CSMD1: variants seen among roughly 807,000 people sequenced by gnomAD.
CSMD1 encodes the protein CUB and sushi domain-containing protein 1.
CSMD1 carries 213 observed loss-of-function variants against 417.5 expected under a neutral mutation model. That is an observed-to-expected ratio of 0.51 (90% CI 0.46 to 0.57). The LOEUF is 0.57. Among genes scored for constraint, CSMD1 ranks in the 20% least tolerant of loss-of-function variants. CSMD1 has a pLI of 0.00. For synonymous variants in CSMD1, 2,862 were observed against 1,736.8 expected, an observed-to-expected ratio of 1.65 and a Z score of -16.11; for missense variants, 6,923 against 4,529.7, an observed-to-expected ratio of 1.53 and a Z score of -15.17.
At chr8:4,673,855 C>T (rs892955981) in intron 1 of CSMD1, among the ~76,000 whole-genome samples, 6 of 151,804 alleles carry the variant, frequency 4.0e-5, no homozygotes, top group Non-Finnish European at 7.4e-5. Flanking sequence ...AGGGACTGCC[C>T]GTGATGGAAG....
chr8:4,864,936 C>T (rs923514000), intron 1 of CSMD1, among the ~76,000 whole-genome samples: 1 of 141,282 alleles, frequency 7.1e-6, no homozygotes, highest in East Asian at 2.1e-4. Context: ...TTCTACAACA[C>T]TGGTATTCTG....
chr8:3,452,424 G>T (rs1225088257), intron 12 of CSMD1, among the ~76,000 whole-genome samples: 1 of 152,128 alleles, frequency 6.6e-6, no homozygotes, highest in African/African-American at 2.4e-5. Context: ...TCCAGTTTTT[G>T]CCCCTTCAGT....
chr8:3,926,001 G>A (rs1173479780), intron 5 of CSMD1, among the ~76,000 whole-genome samples: 1 of 130,564 alleles, frequency 7.7e-6, no homozygotes, highest in South Asian at 2.5e-4. Flanking sequence ...GAAACTAATT[G>A]TCTATTTGTC....
intron 1 of CSMD1, among the ~76,000 whole-genome samples, chr8:4,744,407 G>T (rs1439545315): frequency 6.6e-6 from 1 of 152,098 alleles, no homozygotes; most frequent in Non-Finnish European, 1.5e-5. Context: ...TTCGGTTCTA[G>T]CCTGCGCAGG....
intron 1 of CSMD1, among the ~76,000 whole-genome samples, chr8:4,689,558 T>C (rs1806628064): frequency 6.6e-6 from 1 of 152,220 alleles, no homozygotes; most frequent in South Asian, 2.1e-4. Context: ...AATATTCAAG[T>C]TACAATACAT....
intron 3 of CSMD1, among the ~76,000 whole-genome samples, chr8:4,217,313 C>T (rs1800743642): frequency 6.6e-6 from 1 of 152,132 alleles, no homozygotes; most frequent in Admixed American, 6.5e-5. Context: ...ACTGTGAATC[C>T]CCTGTGTGCC....
At chr8:3,441,464 C>T (rs773785916) in intron 12 of CSMD1, among the ~76,000 whole-genome samples, 3 of 149,658 alleles carry the variant, frequency 2.0e-5, no homozygotes, top group Admixed American at 1.4e-4. Flanking sequence ...ACAAGGAAAA[C>T]ACTTCATTTG....
chr8:3,289,215 C>G (rs1459526189), intron 25 of CSMD1, among the ~76,000 whole-genome samples: 8 of 147,424 alleles, frequency 5.4e-5, no homozygotes, highest in African/African-American at 1.3e-4. Context: ...TTTTCTTAAT[C>G]CAGTCTATCG....
At chr8:3,546,140 C>A (rs1229618754) in intron 10 of CSMD1, among the ~76,000 whole-genome samples, 1 of 152,020 alleles carries the variant, frequency 6.6e-6, no homozygotes, top group African/African-American at 2.4e-5. Context: ...GGTGTCTCAA[C>A]TAAGCAAAGG....
At chr8:4,386,181 C>G (rs1196887950) in intron 3 of CSMD1, among the ~76,000 whole-genome samples, 1 of 152,156 alleles carries the variant, frequency 6.6e-6, no homozygotes, top group Admixed American at 6.5e-5. Flanking sequence ...TACACACTAT[C>G]AGACATTCTC....
At chr8:3,876,754 C>T (rs919478359) in intron 5 of CSMD1, among the ~76,000 whole-genome samples, 4 of 152,134 alleles carry the variant, frequency 2.6e-5, no homozygotes, top group Admixed American at 1.3e-4. Context: ...GAAGCACAGG[C>T]ATAGGCCACC....
At chr8:3,247,894 T>G (rs1427307171) in intron 26 of CSMD1, among the ~76,000 whole-genome samples, 1 of 152,210 alleles carries the variant, frequency 6.6e-6, no homozygotes, top group Non-Finnish European at 1.5e-5. Flanking sequence ...ATCCATGCAT[T>G]TTCATAGTTC....
At chr8:3,481,033 G>T (rs1237308427) in intron 11 of CSMD1, among the ~76,000 whole-genome samples, 1 of 151,542 alleles carries the variant, frequency 6.6e-6, no homozygotes, top group African/African-American at 2.4e-5. Flanking sequence ...GCAGGCACCT[G>T]TAGTCCCAGC....
chr8:3,977,506 A>G (rs1342223962), intron 5 of CSMD1, among the ~76,000 whole-genome samples: 2 of 152,182 alleles, frequency 1.3e-5, no homozygotes, highest in Non-Finnish European at 2.9e-5. Context: ...CTCACAGGTA[A>G]TTTGCTTTGA....
At chr8:2,981,471 C>T (rs887669101) in intron 54 of CSMD1, among the ~76,000 whole-genome samples, 10 of 152,194 alleles carry the variant, frequency 6.6e-5, no homozygotes, top group Admixed American at 5.9e-4. Flanking sequence ...GGTAATGCGT[C>T]AGAAAGAAAT....
At chr8:4,584,927 G>C (rs1305091149) in intron 2 of CSMD1, among the ~76,000 whole-genome samples, 2 of 152,086 alleles carry the variant, frequency 1.3e-5, no homozygotes, top group Non-Finnish European at 2.9e-5. Context: ...CTGGATTAAG[G>C]AGATCAGCCC....
At chr8:4,034,475 T>C (rs1385648104) in intron 3 of CSMD1, among the ~76,000 whole-genome samples, 1 of 152,216 alleles carries the variant, frequency 6.6e-6, no homozygotes, top group Non-Finnish European at 1.5e-5. Flanking sequence ...TAATTCCACA[T>C]TCACTATCCT....
intron 26 of CSMD1, among the ~76,000 whole-genome samples, chr8:3,253,323 A>G (rs2117043726): frequency 6.6e-6 from 1 of 152,222 alleles, no homozygotes; most frequent in East Asian, 1.9e-4. Context: ...TTCAGTTTCC[A>G]TGTAGTTGAG....
chr8:4,849,240 T>TA (rs1227153984), intron 1 of CSMD1, among the ~76,000 whole-genome samples: 1 of 152,068 alleles, frequency 6.6e-6, no homozygotes, highest in African/African-American at 2.4e-5. Flanking sequence ...AGAAAGAAAA[T>TA]ATTATTGTAC....
Sources: gnomAD v4.1 joint callset for allele counts (sites outside exome capture counted in the v4.1 genomes callset) on GRCh38, gnomAD v4.1.1 for gene constraint, MANE v1.5 for transcripts, NCBI Gene and HGNC (gene_info 2026-07-23, HGNC 2026-07-21) for gene names.